Variants in SFTPD observed in about 807,000 individuals in gnomAD.
The protein encoded by SFTPD is surfactant protein D, also known as pulmonary surfactant-associated protein D.
Under a neutral mutation model 34.6 loss-of-function variants are expected in SFTPD, and 18 were observed. That is an observed-to-expected ratio of 0.52 (90% CI 0.36 to 0.77). The LOEUF is 0.77. SFTPD is among the 30% of genes least tolerant of loss of function. The pLI, the probability that SFTPD is intolerant of heterozygous loss-of-function variation, is 0.00. For missense variants in SFTPD, 433 were observed against 468.9 expected (o/e 0.92, Z 0.71); for synonymous variants, 155 against 180.9 (o/e 0.86, Z 1.15).
intron 1 of SFTPD, chr10:79,982,108 C>A: frequency 3.2e-6 from 1 of 307,892 alleles, no homozygotes. Context: ...CCCTCTAGCT[C>A]CCGCGCTCGC....
intron 1 of SFTPD, among the ~76,000 whole-genome samples, chr10:79,948,811 T>C (rs1487773684): frequency 2.0e-5 from 3 of 152,148 alleles, no homozygotes; most frequent in Non-Finnish European, 4.4e-5. Flanking sequence ...CAGGTCTAGA[T>C]AGTGTCACAC....
intron 6 of SFTPD, 92 bp from the exon 7 acceptor site, chr10:79,940,880 G>A (rs1018124841): frequency 2.9e-5 from 24 of 821,132 alleles, no homozygotes; most frequent in African/African-American, 1.3e-4. Flanking sequence ...GTCTAGTTTC[G>A]GGCACATATT....
chr10:79,961,621 G>A (rs1053043506), intron 1 of SFTPD, among the ~76,000 whole-genome samples: 28 of 152,058 alleles, frequency 1.8e-4, no homozygotes, highest in Middle Eastern at 3.2e-3. Flanking sequence ...TTAGAATGGC[G>A]ATCATTAAAA....
intron 1 of SFTPD, among the ~76,000 whole-genome samples, chr10:79,963,939 C>T (rs61860402): frequency 0.15 from 22,286 of 151,996 alleles, 2,073 homozygotes; most frequent in East Asian, 0.41. Flanking sequence ...GGCATTCACT[C>T]GATTTCCCCA....
intron 1 of SFTPD, chr10:79,971,147 TGTAA>T (rs1258578622): frequency 7.2e-5 from 11 of 152,160 alleles, no homozygotes; most frequent in African/African-American, 2.2e-4. Context: ...TCCATCATTT[TGTAA>T]GTGTTATGTA....
At position 79,938,019 on chromosome 10, in the gene SFTPD, C is replaced by T; in HGVS notation, c.961G>A (p.Glu321Lys). The change falls in exon 8 of 8, where the codon GAG becomes AAG. Residue 321 changes from glutamate (E) to lysine (K), a missense_variant. Glu to Lys is a moderately conservative substitution (Grantham distance 56). Coordinates refer to ENST00000372292, the MANE Select transcript of SFTPD (RefSeq NM_003019.5). Reference sequence around the variant, plus strand: ...CCTGTGGGGTAGGTGAACTTGCCCTCTGTCTTGGAATCAGTCATGCTCAGG... The same window carrying T: ...CCTGTGGGGTAGGTGAACTTGCCCTTTGTCTTGGAATCAGTCATGCTCAGG... ...AFLSMTDSKTEGKFTYPTGES... is the reference protein window; with the variant it reads ...AFLSMTDSKTKGKFTYPTGES... 5.0e-6 allele frequency: 8 copies of T among 1,613,930 alleles called. No homozygotes were observed. The highest frequency in any genetic ancestry group is 6.8e-6 in the Non-Finnish European group (8 of 1,179,822).
At chr10:79,940,035 C>T (rs556408697) in intron 7 of SFTPD, among the ~76,000 whole-genome samples, 2 of 152,278 alleles carry the variant, frequency 1.3e-5, no homozygotes, top group South Asian at 2.1e-4. Flanking sequence ...AAGCAGCCTG[C>T]CCCCTATTTG....
At chr10:79,957,596 G>A (rs1017542281) in intron 1 of SFTPD, among the ~76,000 whole-genome samples, 2 of 152,128 alleles carry the variant, frequency 1.3e-5, no homozygotes, top group African/African-American at 2.4e-5. Flanking sequence ...GGGAAGTTTA[G>A]AGAAAAAAGA....
chr10:79,946,671 G>A lies in SFTPD; in HGVS notation c.-3-9C>T, dbSNP rs1842669053. 1 of 1,612,600 alleles carries A rather than the reference G, an allele frequency of 6.2e-7. No individual in the cohort carries two copies. Among genetic ancestry groups the A allele is most frequent in the South Asian group, 1.1e-5 (1 of 90,880 alleles). On this transcript the variant is annotated splice_polypyrimidine_tract_variant and intron_variant, in intron 1 of 7. Coordinates refer to ENST00000372292, the MANE Select transcript of SFTPD (RefSeq NM_003019.5). Reference sequence around the variant, plus strand: ...AGGAAGAGCAGCATGGCCTGGAGAGGTGAACAGAAAGAGAAAAGACATGCT... The same window carrying A: ...AGGAAGAGCAGCATGGCCTGGAGAGATGAACAGAAAGAGAAAAGACATGCT...
intron 2 of SFTPD, among the ~76,000 whole-genome samples, chr10:79,944,758 A>G (rs1024397295): frequency 1.6e-4 from 24 of 152,118 alleles, no homozygotes; most frequent in African/African-American, 5.3e-4. Context: ...TGTTCCCCAC[A>G]AAGGCAGGAT....
Position 79,942,817 on chromosome 10 carries a change from C to T in SFTPD, c.262G>A (p.Gly88Arg), listed in dbSNP as rs868821882. The T allele has an allele frequency of 6.2e-7, 1 of 1,614,144 alleles. No individual in the cohort carries two copies. The highest frequency in any genetic ancestry group is 8.5e-7 in the Non-Finnish European group (1 of 1,179,978). Residue 88 changes from glycine (G) to arginine (R), a missense_variant, in exon 3 of 8, where the codon GGG (glycine) becomes AGG (arginine). Transcript: ENST00000372292. ...GGTTCTCCAACAGAGCCATTGTCCC[C>T]TTTGGGCCCAACTGGGCCAGCTTGT... ...PGQAGPVGPK[G>R]DNGSVGEPGP...
Position 79,938,015 on chromosome 10 carries a change from C to T in SFTPD, c.965G>A (p.Gly322Asp), listed in dbSNP as rs1842573684. The T allele has an allele frequency of 6.2e-7, 1 of 1,613,766 alleles. No homozygotes were observed. Reference protein sequence around the residue: ...FLSMTDSKTEGKFTYPTGESL... With the variant: ...FLSMTDSKTEDKFTYPTGESL... ...CTCTCCTGTGGGGTAGGTGAACTTG[C>T]CCTCTGTCTTGGAATCAGTCATGCT... is the stretch of plus-strand genomic sequence containing the variant. Residue 322 changes from glycine (G) to aspartate (D), a missense_variant, in exon 8 of 8, where the codon GGC becomes GAC. By Grantham distance (94) the Gly-to-Asp change is moderately conservative. Transcript: ENST00000372292.
Position 79,940,691 on chromosome 10 carries a change from A to C in SFTPD, c.751+14T>G. 1 of 1,563,876 alleles carries C rather than the reference A, an allele frequency of 6.4e-7. No individual in the cohort carries two copies. The highest frequency in any genetic ancestry group is 8.8e-7 in the Non-Finnish European group (1 of 1,136,208). ...ATGCCAGTGCTGGGTCCAGGTTCAG[A>C]TCCAGGAACTCACCTTTCTTATACT... is the stretch of plus-strand genomic sequence containing the variant. On this transcript the variant is annotated intron_variant, in intron 7 of 7. Transcript: ENST00000372292.
upstream of SFTPD, among the ~76,000 whole-genome samples, chr10:79,949,599 C>T (rs888488700): frequency 2.6e-5 from 4 of 152,222 alleles, no homozygotes; most frequent in Non-Finnish European, 5.9e-5. Flanking sequence ...GCTGCAGAGG[C>T]AGCAGCATGT....
chr10:79,975,665 A>C (rs183566190), intron 1 of SFTPD, among the ~76,000 whole-genome samples: 1 of 152,340 alleles, frequency 6.6e-6, no homozygotes, highest in Admixed American at 6.5e-5. Context: ...TAAAGTGGGA[A>C]ATCAGGGGTC....
At position 79,946,545 on chromosome 10, in the gene SFTPD, T is replaced by G. The variant is rs773034982; in HGVS notation, c.115A>C (p.Met39Leu). 6.2e-7 allele frequency: 1 copy of G among 1,614,188 alleles called. No individual in the cohort carries two copies. Among genetic ancestry groups the G allele is most frequent in the Non-Finnish European group, 8.5e-7 (1 of 1,180,010 alleles). ...RTMPSACTLVMCSSVESGLPG... is the reference protein window; with the variant it reads ...RTMPSACTLVLCSSVESGLPG... Reference sequence around the variant, plus strand: ...AGGCCACTCTCCACTGAGCTACACATGACCAGGGTGCAAGCACTGGGCATT... The same window carrying G: ...AGGCCACTCTCCACTGAGCTACACAGGACCAGGGTGCAAGCACTGGGCATT... Residue 39 changes from methionine (M) to leucine (L), a missense_variant, in exon 2 of 8, where the codon ATG (methionine) becomes CTG (leucine). By Grantham distance (15) the Met-to-Leu change is conservative. Coordinates refer to ENST00000372292, the MANE Select transcript of SFTPD (RefSeq NM_003019.5).
chr10:79,976,038 GTTTTGGGGCCAGTTTATGGCCAGA>G (rs1347174829), intron 1 of SFTPD, among the ~76,000 whole-genome samples: 1 of 152,212 alleles, frequency 6.6e-6, no homozygotes, highest in Admixed American at 6.5e-5. Context: ...TTTATGGCCA[GTTTTGGGGCCAGTTTATGGCCAGA>G]TTTTGGGGGG....
At chr10:79,951,681 T>G (rs897300473), upstream of SFTPD, among the ~76,000 whole-genome samples, 34 of 152,226 alleles carry the variant, frequency 2.2e-4, no homozygotes, top group African/African-American at 8.2e-4. Flanking sequence ...TGCATCCCAA[T>G]AAAAGCTGGC....
intron 2 of SFTPD, among the ~76,000 whole-genome samples, chr10:79,943,283 G>A (rs141100702): frequency 2.0e-5 from 3 of 152,104 alleles, no homozygotes; most frequent in Non-Finnish European, 2.9e-5. Context: ...GTTATTGGTC[G>A]ATTTGCTCAT....
Sources: gnomAD v4.1 joint callset for allele counts (sites outside exome capture counted in the v4.1 genomes callset) on GRCh38, gnomAD v4.1.1 for gene constraint, MANE v1.5 for transcripts, NCBI Gene and HGNC (gene_info 2026-07-23, HGNC 2026-07-21) for gene names.